The following COL6A3 variants were observed in gnomAD, a reference collection of about 807,000 sequenced individuals.
COL6A3 encodes the protein collagen type VI alpha 3 chain.
In COL6A3, 137 loss-of-function variants were observed where a neutral mutation model predicts 274.1. The observed-to-expected ratio is 0.50, with a 90% CI of 0.44 to 0.58. The LOEUF (loss-of-function observed/expected upper bound fraction) is 0.58. Among genes scored for constraint, COL6A3 ranks in the 20% least tolerant of loss-of-function variants. COL6A3 has a pLI of 0.00. For missense variants in COL6A3, 3,950 were observed against 4,124.9 expected (o/e 0.96, Z 1.16); for synonymous variants, 1,650 against 1,650.6 (o/e 1.00, Z 0.01).
chr2:237,408,819 A>T (rs2078783387), intron 1 of COL6A3, among the ~76,000 whole-genome samples: 1 of 152,194 alleles, frequency 6.6e-6, no homozygotes, highest in Admixed American at 6.5e-5. Context: ...CCCCTACAAG[A>T]CTAACAATTT....
chr2:237,395,241 T>C (rs1305499578), intron 2 of COL6A3, 37 bp from the exon 3 acceptor site: 1 of 1,608,586 alleles, frequency 6.2e-7, no homozygotes, highest in Non-Finnish European at 8.5e-7. Context: ...TTTTCTACTA[T>C]GTAAGCAATT....
Position 237,364,312 on chromosome 2 carries a change from G to A in COL6A3, c.5917+38C>T. 6.5e-7 allele frequency: 1 copy of A among 1,527,586 alleles called. No individual in the cohort carries two copies. Among genetic ancestry groups the A allele is most frequent in the Non-Finnish European group, 9.1e-7 (1 of 1,102,426 alleles). The allele number at this position is 1,527,586 out of a possible 1,614,324, so 94.6% of individuals were successfully genotyped here. ...CAGAGCAGTACACCCCGCCTCACCA[G>A]GGTTTACTTCTCATATTTAGAAAGC... On this transcript the variant is annotated intron_variant, in intron 13 of 43. Transcript: ENST00000295550. The surrounding 1 kb of genome is among the most constrained non-coding windows in gnomAD (Gnocchi z 4.6).
intron 4 of COL6A3, 96 bp downstream of exon 4, chr2:237,387,486 C>T: frequency 1.3e-6 from 2 of 1,579,948 alleles, no homozygotes; most frequent in Admixed American, 1.7e-5. Context: ...TACAGCTTCT[C>T]CCGTGGCGAA....
At chr2:237,348,157 C>G (rs2077132946) in intron 30 of COL6A3, among the ~76,000 whole-genome samples, 192 bp downstream of exon 30, 1 of 152,140 alleles carries the variant, frequency 6.6e-6, no homozygotes, top group Non-Finnish European at 1.5e-5. Flanking sequence ...AACACCAGGA[C>G]AAGTACGTAT....
chr2:237,352,883 A>G (rs1176968902), intron 25 of COL6A3, among the ~76,000 whole-genome samples: 6 of 152,228 alleles, frequency 3.9e-5, no homozygotes. Context: ...CTAAATCTCC[A>G]TCAACCAATG....
intron 27 of COL6A3, 74 bp from the exon 28 acceptor site, chr2:237,350,283 G>T: frequency 2.1e-6 from 3 of 1,434,868 alleles, no homozygotes; most frequent in Non-Finnish European, 2.9e-6. Flanking sequence ...CCATGCTTTT[G>T]CTCTAGGTAA....
chr2:237,366,547 C>G (rs2077556943), intron 11 of COL6A3, 140 bp downstream of exon 11: 8 of 1,246,972 alleles, frequency 6.4e-6, no homozygotes, highest in African/African-American at 1.5e-5. Flanking sequence ...GGTGTCAGGA[C>G]CAGTCCCAGT....
At chr2:237,325,526 G>A in intron 43 of COL6A3, 34 bp downstream of exon 43, 2 of 1,611,716 alleles carry the variant, frequency 1.2e-6, no homozygotes, top group Non-Finnish European at 1.7e-6. Flanking sequence ...TCTCTTATTT[G>A]CAGAAGCCAT....
Position 237,341,010 on chromosome 2 carries a change from T to G in COL6A3, c.7906A>C (p.Asn2636His). ...TACGCTATGTACTTCTTCATCTCATTGAACTGGAACAGGGTGGTGGTCTCA... is the reference window on the plus strand; with the variant it reads ...TACGCTATGTACTTCTTCATCTCATGGAACTGGAACAGGGTGGTGGTCTCA... ...SAETTTLFQF[N>H]EMKKYIAYLV... Residue 2636 changes from asparagine (N) to histidine (H), a missense_variant, in exon 38 of 44, where the codon AAT (asparagine) becomes CAT (histidine). This residue lies in a region of COL6A3 where 1,284 missense variants were observed against 1,349.7 expected (regional missense o/e 0.95). Transcript: ENST00000295550. 6.2e-7 allele frequency: 1 copy of G among 1,614,144 alleles called. No homozygotes were observed. Among genetic ancestry groups the G allele is most frequent in the Non-Finnish European group, 8.5e-7 (1 of 1,180,024 alleles).
intron 4 of COL6A3, among the ~76,000 whole-genome samples, chr2:237,383,282 A>G (rs2078057044): frequency 6.6e-6 from 1 of 152,244 alleles, no homozygotes; most frequent in East Asian, 1.9e-4. Flanking sequence ...TTATGCACCA[A>G]CGTCCTTAAT....
Position 237,376,906 on chromosome 2 carries a change from T to G in COL6A3, c.2936A>C (p.Asp979Ala), listed in dbSNP as rs1296084793. The G allele has an allele frequency of 6.2e-7, 1 of 1,614,032 alleles. No homozygotes were observed. The highest frequency in any genetic ancestry group is 8.5e-7 in the Non-Finnish European group (1 of 1,180,028). The change falls in exon 7 of 44, where the codon GAC becomes GCC. Residue 979 changes from aspartate to alanine, a missense_variant. Transcript: ENST00000295550. ...CACGATCTGCTCTAACTCAGCAGGGTCTGCGTTCTTGGCTTGGAAGATGAA... is the reference window on the plus strand; with the variant it reads ...CACGATCTGCTCTAACTCAGCAGGGGCTGCGTTCTTGGCTTGGAAGATGAA... The part of the protein sequence containing the change: ...VPFIFQAKNA[D>A]PAELEQIVLS...
rs770383420 is a variant in COL6A3, at chr2:237,333,442, C to A, written c.9328+8G>T. The A allele has an allele frequency of 2.2e-5, 36 of 1,612,046 alleles. No homozygotes were observed. The South Asian group carries it at 2.3e-4, about 10-fold the overall frequency. The stretch of plus-strand genomic sequence containing the variant: ...GCCATTAATGGACCTAATAGTTTCA[C>A]AACTCACCTGTTTCAGTGAGAGCCA... On this transcript the variant is annotated splice_region_variant and intron_variant, in intron 42 of 43. Transcript: ENST00000295550.
chr2:237,358,507 A>T lies in COL6A3; in HGVS notation c.6471+14T>A. ...CAGGCTCAGGTCTGAAATCGTCAAT[A>T]AAGAAATCTTTACCGGGTCCCCTCG... On this transcript the variant is annotated intron_variant, in intron 21 of 43. Coordinates refer to ENST00000295550, the MANE Select transcript of COL6A3 (RefSeq NM_004369.4). 6.2e-7 allele frequency: 1 copy of T among 1,611,894 alleles called. No homozygotes were observed. Among genetic ancestry groups the T allele is most frequent in the Non-Finnish European group, 8.5e-7 (1 of 1,177,966 alleles).
chr2:237,374,819 A>T lies in COL6A3; in HGVS notation c.3272T>A (p.Val1091Asp), dbSNP rs745854120. Residue 1091 changes from valine (V) to aspartate (D), a missense_variant, in exon 8 of 44, where the codon GTC becomes GAC. Transcript: ENST00000295550. This position sits in a 1 kb window ranked among gnomAD's most constrained non-coding sequence, Gnocchi z 4.8. ...GGTCAGCTGGCGGACAGCGTTGACGACGTCCTGCTTGTTCATGTATGAATT... is the reference window on the plus strand; with the variant it reads ...GGTCAGCTGGCGGACAGCGTTGACGTCGTCCTGCTTGTTCATGTATGAATT... Reference protein sequence around the residue: ...YLNSYMNKQDVVNAVRQLTLL... With the variant: ...YLNSYMNKQDDVNAVRQLTLL... The T allele has an allele frequency of 3.9e-5, 63 of 1,613,908 alleles. No homozygotes were observed. The highest frequency in any genetic ancestry group is 5.1e-5 in the Non-Finnish European group (60 of 1,180,008).
intron 4 of COL6A3, among the ~76,000 whole-genome samples, chr2:237,385,503 C>T (rs549458203): frequency 1.3e-5 from 2 of 152,262 alleles, no homozygotes; most frequent in East Asian, 3.9e-4. Flanking sequence ...AATCGAAACC[C>T]AGAGAGGTTG....
At chr2:237,393,508 TC>T (rs2078344636) in intron 3 of COL6A3, among the ~76,000 whole-genome samples, 1 of 152,172 alleles carries the variant, frequency 6.6e-6, no homozygotes, top group African/African-American at 2.4e-5. Context: ...ATGCCTTCCC[TC>T]CATCTCAGAG....
At chr2:237,342,204 T>C (rs1384986029) in intron 36 of COL6A3, 43 bp from the exon 37 acceptor site, 3 of 1,472,260 alleles carry the variant, frequency 2.0e-6, no homozygotes, top group Non-Finnish European at 2.8e-6. Flanking sequence ...GCGTACATGA[T>C]CAGTAATATC....
intron 1 of COL6A3, among the ~76,000 whole-genome samples, chr2:237,399,478 A>G (rs1323288317): frequency 6.6e-6 from 1 of 152,182 alleles, no homozygotes; most frequent in Admixed American, 6.5e-5. Flanking sequence ...CGTTTCATTC[A>G]TCAGCATTTC....
Position 237,409,116 on chromosome 2 carries a change from C to T in COL6A3, c.-31+4837G>A, listed in dbSNP as rs568935454. 8.7e-4 allele frequency among the ~76,000 whole-genome samples: 133 copies of T among 152,314 alleles called. 1 individual carries two copies. The highest frequency in any genetic ancestry group is 5.2e-3 in the Admixed American group (79 of 15,306). On this transcript the variant is annotated intron_variant, in intron 1 of 43. Coordinates refer to ENST00000295550, the MANE Select transcript of COL6A3 (RefSeq NM_004369.4). ...TGTGGCCCTGTCACTGGGCATACCTCTCTGAGCTCTCTTTCTTCATCTGAA... is the reference window on the plus strand; with the variant it reads ...TGTGGCCCTGTCACTGGGCATACCTTTCTGAGCTCTCTTTCTTCATCTGAA...
Sources: allele counts gnomAD v4.1 joint callset (sites outside exome capture counted in the v4.1 genomes callset), GRCh38; gene constraint gnomAD v4.1.1; regional missense constraint gnomAD v4.1.1; non-coding constraint Gnocchi (gnomAD v3.1); transcripts MANE v1.5; gene names NCBI Gene and HGNC (gene_info 2026-07-23, HGNC 2026-07-21).